LARP1B: variants seen among roughly 807,000 people sequenced by gnomAD.
LARP1B encodes la-related protein 1B.
Under a neutral mutation model 114.2 loss-of-function variants are expected in LARP1B, and 76 were observed. That is an observed-to-expected ratio of 0.67 (90% CI 0.55 to 0.81). LARP1B has a LOEUF of 0.81. Ranked by LOEUF, LARP1B falls within the 30% of genes least tolerant of loss-of-function variation. The pLI, the probability that LARP1B is intolerant of heterozygous loss-of-function variation, is 0.00. For synonymous variants in LARP1B, 345 were observed against 348.0 expected (o/e 0.99, Z 0.10); for missense variants, 1,014 against 1,075.8 (o/e 0.94, Z 0.80).
At chr4:128,128,742 C>G (rs1027371409) in intron 11 of LARP1B, among the ~76,000 whole-genome samples, 7 of 152,146 alleles carry the variant, frequency 4.6e-5, no homozygotes, top group Admixed American at 4.6e-4. Context: ...GTCAAACTAT[C>G]ATAAGCCTGG....
chr4:128,096,414 G>C (rs1471743230), intron 7 of LARP1B, among the ~76,000 whole-genome samples: 3 of 152,062 alleles, frequency 2.0e-5, no homozygotes, highest in Non-Finnish European at 2.9e-5. Flanking sequence ...TATATCTTGG[G>C]ATTTGTAGTT....
chr4:128,178,759 C>G, intron 14 of LARP1B, 117 bp downstream of exon 14: 1 of 852,736 alleles, frequency 1.2e-6, no homozygotes, highest in Non-Finnish European at 1.8e-6. Context: ...TAATATTTCA[C>G]TTAAAAATCA....
At chr4:128,075,293 G>T (rs1299990884) in intron 3 of LARP1B, among the ~76,000 whole-genome samples, 2 of 152,024 alleles carry the variant, frequency 1.3e-5, no homozygotes, top group Non-Finnish European at 2.9e-5. Flanking sequence ...ATAGAGACAG[G>T]ATTTTGCTGG....
chr4:128,175,632 A>G (rs1401112656), intron 12 of LARP1B, among the ~76,000 whole-genome samples: 4 of 152,130 alleles, frequency 2.6e-5, no homozygotes, highest in African/African-American at 9.7e-5. Flanking sequence ...TTGGTTTTCA[A>G]AATAATGAGT....
At chr4:128,164,900 T>C (rs1740066947) in intron 12 of LARP1B, among the ~76,000 whole-genome samples, 1 of 151,928 alleles carries the variant, frequency 6.6e-6, no homozygotes, top group African/African-American at 2.4e-5. Flanking sequence ...TAGTCATACG[T>C]AGGAAAAATA....
chr4:128,105,927 C>T (rs971459468), intron 8 of LARP1B, among the ~76,000 whole-genome samples: 1 of 151,888 alleles, frequency 6.6e-6, no homozygotes, highest in Admixed American at 6.6e-5. Flanking sequence ...AAAGAAATGC[C>T]CAGTTATGGA....
At chr4:128,176,218 TA>T (rs990825321) in intron 12 of LARP1B, among the ~76,000 whole-genome samples, 2 of 144,754 alleles carry the variant, frequency 1.4e-5, no homozygotes, top group Non-Finnish European at 3.0e-5. Context: ...TATTTATATA[TA>T]AATTTATATA....
intron 4 of LARP1B, among the ~76,000 whole-genome samples, chr4:128,080,449 A>G (rs1279930076): frequency 6.8e-6 from 1 of 146,858 alleles, no homozygotes; most frequent in Non-Finnish European, 1.5e-5. Context: ...GACATAATTT[A>G]TAGTATAAGA....
intron 11 of LARP1B, among the ~76,000 whole-genome samples, chr4:128,137,238 C>A (rs762781308): frequency 2.0e-5 from 3 of 151,652 alleles, no homozygotes; most frequent in Non-Finnish European, 2.9e-5. Context: ...CAAAAAAAAA[C>A]AAAAAACAAA....
chr4:128,159,602 AT>A (rs1332365071), intron 11 of LARP1B, among the ~76,000 whole-genome samples: 7 of 152,170 alleles, frequency 4.6e-5, no homozygotes, highest in African/African-American at 1.7e-4. Context: ...ACAGTGGTAC[AT>A]TTGTTGCAGT....
In LARP1B at chr4:128,156,041, C is replaced by T. The variant is rs1445969079; in HGVS notation, c.1525-6153C>T. 5 of 1,582,926 alleles carry T rather than the reference C, an allele frequency of 3.2e-6. No individual in the cohort carries two copies. The East Asian group carries it at 8.9e-5, about 28-fold the overall frequency. ...CTTGAACCTGCGGCACTGCACACCC[C>T]CAAGCTCATGACCACACCCTCCCTA... On this transcript the variant is annotated intron_variant, in intron 11 of 19. Coordinates refer to ENST00000326639, the MANE Select transcript of LARP1B (RefSeq NM_018078.4).
intron 12 of LARP1B, among the ~76,000 whole-genome samples, chr4:128,170,137 T>G (rs1390807660): frequency 6.6e-6 from 1 of 152,194 alleles, no homozygotes; most frequent in Admixed American, 6.5e-5. Context: ...TTATTAATCT[T>G]ATTGATATAT....
intron 9 of LARP1B, chr4:128,107,810 TTAA>T: frequency 1.3e-6 from 2 of 1,531,594 alleles, no homozygotes; most frequent in South Asian, 2.4e-5. Context: ...AGATTTAATG[TTAA>T]TAATTTTTTC....
intron 10 of LARP1B, among the ~76,000 whole-genome samples, chr4:128,114,977 G>T (rs1359812308): frequency 2.7e-5 from 4 of 150,580 alleles, no homozygotes; most frequent in Non-Finnish European, 4.4e-5. Flanking sequence ...TTGCCCTATT[G>T]CCCAGGCTGG....
intron 1 of LARP1B, among the ~76,000 whole-genome samples, chr4:128,068,070 C>T (rs180819657): frequency 2.0e-3 from 305 of 152,158 alleles, no homozygotes; most frequent in Admixed American, 2.6e-3. Flanking sequence ...TTAGTAGAGA[C>T]GGGGTTTCAC....
chr4:128,092,848 A>G, intron 7 of LARP1B: 1 of 985,420 alleles, frequency 1.0e-6, no homozygotes. Flanking sequence ...TCAACTTCAT[A>G]CCACTATTAC....
chr4:128,119,479 T>A (rs1787179839), intron 10 of LARP1B, among the ~76,000 whole-genome samples: 1 of 152,192 alleles, frequency 6.6e-6, no homozygotes, highest in African/African-American at 2.4e-5. Flanking sequence ...TAGAAAGTAA[T>A]TCTTGGGCTT....
chr4:128,220,605 T>C (rs1759942531), intron 7 of LARP1B, among the ~76,000 whole-genome samples: 1 of 152,252 alleles, frequency 6.6e-6, no homozygotes, highest in Non-Finnish European at 1.5e-5. Context: ...GTTATTTGGT[T>C]ATTAGTAAAT....
rs118173912 is a variant in LARP1B, at chr4:128,173,026, T to C, written c.1649-3846T>C. Among the ~76,000 whole-genome samples, 20 of 151,652 alleles carry C rather than the reference T, an allele frequency of 1.3e-4. No individual in the cohort carries two copies. In the East Asian group the frequency reaches 3.7e-3, roughly 28 times the overall value. Reference sequence around the variant, plus strand: ...GTCCTTTTCTCATCTAGAAGCTTGATTGGGTTCTCTTTTATACTGCCTATA... The same window carrying C: ...GTCCTTTTCTCATCTAGAAGCTTGACTGGGTTCTCTTTTATACTGCCTATA... On this transcript the variant is annotated intron_variant, in intron 12 of 19. Coordinates refer to ENST00000326639, the MANE Select transcript of LARP1B (RefSeq NM_018078.4).
Sources: allele counts gnomAD v4.1 joint callset (sites outside exome capture counted in the v4.1 genomes callset), GRCh38; gene constraint gnomAD v4.1.1; transcripts MANE v1.5; gene names NCBI Gene and HGNC (gene_info 2026-07-23, HGNC 2026-07-21).